BAZ2B: variants seen among roughly 807,000 people sequenced by gnomAD.
BAZ2B encodes bromodomain adjacent to zinc finger domain 2B, also known as bromodomain adjacent to zinc finger domain protein 2B.
BAZ2B carries 91 observed loss-of-function variants against 246.0 expected under a neutral mutation model. The ratio of observed to expected loss-of-function variants is 0.37; its 90% CI spans 0.31 to 0.44. The LOEUF (loss-of-function observed/expected upper bound fraction) is 0.44. Among genes scored for constraint, BAZ2B ranks in the 20% least tolerant of loss-of-function variants. The pLI is 1.00. For missense variants in BAZ2B, 2,332 were observed against 2,533.7 expected, an observed-to-expected ratio of 0.92 and a Z score of 1.71; for synonymous variants, 855 against 860.0, an observed-to-expected ratio of 0.99 and a Z score of 0.10.
chr2:159,348,924 A>G, intron 29 of BAZ2B, 83 bp downstream of exon 29: 4 of 1,553,002 alleles, frequency 2.6e-6, no homozygotes, highest in Non-Finnish European at 3.5e-6. Flanking sequence ...CTATATATAG[A>G]ACCATCAAAT....
At chr2:159,435,603 C>G (rs938547906) in intron 8 of BAZ2B, 1 of 152,306 alleles carries the variant, frequency 6.6e-6, no homozygotes, top group Admixed American at 6.5e-5. Flanking sequence ...ATTCGCCTGC[C>G]TTGGCCTCCC....
At chr2:159,505,728 G>C (rs1008846192) in intron 2 of BAZ2B, among the ~76,000 whole-genome samples, 2 of 152,126 alleles carry the variant, frequency 1.3e-5, no homozygotes, top group East Asian at 1.9e-4. Flanking sequence ...ATAAGAAGGC[G>C]GCAAGAATAT....
At chr2:159,622,021 G>A in the BAZ2B span, among the ~76,000 whole-genome samples, 1 of 151,936 alleles carries the variant, frequency 6.6e-6, no homozygotes, top group Non-Finnish European at 1.5e-5. Flanking sequence ...CAGGAGAATT[G>A]CTTGAAACCG....
intron 3 of BAZ2B, among the ~76,000 whole-genome samples, chr2:159,457,635 A>G (rs905780063): frequency 4.6e-5 from 7 of 152,160 alleles, no homozygotes. Flanking sequence ...GTTGGATTTG[A>G]TCACACAGAA....
the BAZ2B span, chr2:159,693,373 C>G: frequency 6.7e-6 from 1 of 150,060 alleles, no homozygotes; most frequent in Admixed American, 6.7e-5. Context: ...AGAAATTAAA[C>G]TTTCTCAAAT....
At chr2:159,533,543 C>G (rs1049041096) in intron 2 of BAZ2B, among the ~76,000 whole-genome samples, 2 of 152,126 alleles carry the variant, frequency 1.3e-5, no homozygotes, top group African/African-American at 4.8e-5. Context: ...TAGAAGCAGG[C>G]AATCTTTCAA....
chr2:159,683,870 A>G, the BAZ2B span, among the ~76,000 whole-genome samples: 1 of 152,192 alleles, frequency 6.6e-6, no homozygotes, highest in Non-Finnish European at 1.5e-5. Flanking sequence ...CAAGATTTTC[A>G]GTCATATCTA....
chr2:159,388,665 G>C (rs1576424279), intron 21 of BAZ2B, among the ~76,000 whole-genome samples: 1 of 152,116 alleles, frequency 6.6e-6, no homozygotes. Flanking sequence ...ATTCAAATAA[G>C]TGCTTAGCAC....
intron 16 of BAZ2B, chr2:159,404,257 T>C (rs553234433): frequency 1.3e-5 from 2 of 152,214 alleles, no homozygotes; most frequent in South Asian, 4.1e-4. Context: ...TTTTTACCTA[T>C]GAAAATTTAA....
At chr2:159,508,180 G>T (rs1161517685) in intron 2 of BAZ2B, among the ~76,000 whole-genome samples, 2 of 152,104 alleles carry the variant, frequency 1.3e-5, no homozygotes, top group Non-Finnish European at 2.9e-5. Flanking sequence ...CTATCTATCT[G>T]ATTTCAAATA....
intron 2 of BAZ2B, among the ~76,000 whole-genome samples, chr2:159,495,836 C>T (rs1211494763): frequency 1.3e-5 from 2 of 150,122 alleles, no homozygotes; most frequent in Non-Finnish European, 3.0e-5. Flanking sequence ...GTGGGTCATT[C>T]GGCTCACTGG....
intron 27 of BAZ2B, among the ~76,000 whole-genome samples, chr2:159,350,894 T>C (rs1262330270): frequency 1.5e-5 from 2 of 132,302 alleles, no homozygotes; most frequent in East Asian, 2.4e-4. Context: ...ATATTTGTTA[T>C]AAAAAATTAA....
At chr2:159,488,597 C>CTT (rs1246575943) in intron 2 of BAZ2B, among the ~76,000 whole-genome samples, 3 of 152,034 alleles carry the variant, frequency 2.0e-5, no homozygotes, top group African/African-American at 7.3e-5. Context: ...TTATAAATGA[C>CTT]TAATTTGTTT....
chr2:159,359,657 G>A (rs1461899798), intron 27 of BAZ2B, among the ~76,000 whole-genome samples: 4 of 152,034 alleles, frequency 2.6e-5, no homozygotes, highest in Non-Finnish European at 5.9e-5. Context: ...CACAAAAAAA[G>A]AAAATTTCAG....
intron 1 of BAZ2B, among the ~76,000 whole-genome samples, chr2:159,576,953 C>T (rs1441735976): frequency 1.3e-5 from 2 of 149,372 alleles, no homozygotes; most frequent in Non-Finnish European, 3.0e-5. Context: ...TGGCCAGGCA[C>T]GGTGGCTCAC....
chr2:159,479,785 G>A (rs1229298776), intron 2 of BAZ2B, among the ~76,000 whole-genome samples: 1 of 152,060 alleles, frequency 6.6e-6, no homozygotes, highest in African/African-American at 2.4e-5. Context: ...ATATATATGG[G>A]GAAGGTAATC....
chr2:159,340,285 A>T (rs1435263942), intron 31 of BAZ2B, among the ~76,000 whole-genome samples: 5 of 152,072 alleles, frequency 3.3e-5, no homozygotes, highest in African/African-American at 1.2e-4. Flanking sequence ...TATAGGATTT[A>T]TGGGACACCA....
chr2:159,679,825 C>T, the BAZ2B span, among the ~76,000 whole-genome samples: 1 of 152,146 alleles, frequency 6.6e-6, no homozygotes, highest in Non-Finnish European at 1.5e-5. Context: ...CCACCATTAC[C>T]TCTTTCTCTG....
At chr2:159,688,782 T>C in the BAZ2B span, among the ~76,000 whole-genome samples, 1 of 152,232 alleles carries the variant, frequency 6.6e-6, no homozygotes, top group African/African-American at 2.4e-5. Flanking sequence ...ATTTATTTTG[T>C]GAAATGTCCC....
Sources: allele counts gnomAD v4.1 joint callset (sites outside exome capture counted in the v4.1 genomes callset), GRCh38; gene constraint gnomAD v4.1.1; transcripts MANE v1.5; gene names NCBI Gene and HGNC (gene_info 2026-07-23, HGNC 2026-07-21).